The following GLIPR1L1 variants were observed in gnomAD, a reference collection of about 807,000 sequenced individuals.
The protein encoded by GLIPR1L1 is GLIPR1 like 1, also known as GLIPR1-like protein 1.
Under a neutral mutation model 29.9 loss-of-function variants are expected in GLIPR1L1, and 26 were observed. The ratio of observed to expected loss-of-function variants is 0.87; its 90% CI spans 0.64 to 1.21. The LOEUF is 1.21. GLIPR1L1 is among the 50% of genes most tolerant of loss of function. The pLI is 0.00. For missense variants in GLIPR1L1, 305 were observed against 290.3 expected (o/e 1.05, Z -0.37); for synonymous variants, 77 against 97.5 (o/e 0.79, Z 1.24).
At chr12:75,355,505 G>A (rs201089759) in intron 3 of GLIPR1L1, among the ~76,000 whole-genome samples, 2 of 152,102 alleles carry the variant, frequency 1.3e-5, no homozygotes, top group African/African-American at 2.4e-5. Flanking sequence ...AAATAGGAAC[G>A]TTTTTACACT....
At chr12:75,354,520 T>G (rs959292791) in intron 3 of GLIPR1L1, among the ~76,000 whole-genome samples, 2 of 152,210 alleles carry the variant, frequency 1.3e-5, no homozygotes, top group Non-Finnish European at 2.9e-5. Context: ...TGTTCATGGA[T>G]AGTAAGAATC....
intron 3 of GLIPR1L1, among the ~76,000 whole-genome samples, chr12:75,356,072 C>A (rs1243957345): frequency 2.0e-5 from 3 of 152,032 alleles, no homozygotes; most frequent in African/African-American, 7.3e-5. Context: ...CAGCAAACCA[C>A]AATGGCACAC....
At position 75,370,126 on chromosome 12, in the gene GLIPR1L1, AC is replaced by A; in HGVS notation, c.680del (p.Thr227LysfsTer8). The stretch of plus-strand genomic sequence containing the variant: ...GCCAACGGGGAGAGCACCTCAGCAG[AC>A]AGCCTTTAATCCATTCAGCTTAGGT... ...LKPTGRAPQQ[T>X]AFNPFSLGFL... On this transcript the variant is annotated frameshift_variant, in exon 6 of 6. Transcript: ENST00000378695. LOFTEE classifies it low-confidence loss of function (END_TRUNC). 2.5e-6 allele frequency: 4 copies of A among 1,608,016 alleles called. No homozygotes were observed. The highest frequency in any genetic ancestry group is 3.4e-6 in the Non-Finnish European group (4 of 1,176,178).
chr12:75,349,512 A>G (rs1349300011), intron 3 of GLIPR1L1, among the ~76,000 whole-genome samples: 1 of 152,228 alleles, frequency 6.6e-6, no homozygotes, highest in Non-Finnish European at 1.5e-5. Context: ...AGCTGAATCA[A>G]TAAGTTGAAA....
intron 1 of GLIPR1L1, among the ~76,000 whole-genome samples, chr12:75,337,159 G>A (rs4882617): frequency 0.93 from 140,677 of 151,882 alleles, 65,218 homozygotes; most frequent in East Asian, 1. Flanking sequence ...AAAGAAGAAT[G>A]GTTAAAAATC....
At chr12:75,368,474 G>C (rs180894432) in intron 4 of GLIPR1L1, among the ~76,000 whole-genome samples, 2 of 149,190 alleles carry the variant, frequency 1.3e-5, no homozygotes, top group African/African-American at 4.9e-5. Flanking sequence ...GTAAAATTTC[G>C]AAAGGTACCA....
chr12:75,368,449 T>A (rs2044136912), intron 4 of GLIPR1L1, among the ~76,000 whole-genome samples: 2 of 151,894 alleles, frequency 1.3e-5, no homozygotes, highest in South Asian at 2.1e-4. Flanking sequence ...GTTTCTAATA[T>A]AACACAGCTA....
intron 3 of GLIPR1L1, among the ~76,000 whole-genome samples, chr12:75,357,747 T>C (rs2043246954): frequency 1.3e-5 from 2 of 151,960 alleles, no homozygotes; most frequent in South Asian, 4.1e-4. Flanking sequence ...CTAACATACT[T>C]CTAAATAACT....
chr12:75,355,154 C>T (rs188653479), intron 3 of GLIPR1L1, among the ~76,000 whole-genome samples: 6 of 152,268 alleles, frequency 3.9e-5, no homozygotes, highest in African/African-American at 1.4e-4. Context: ...TAAAGAACTT[C>T]TACACAGCAA....
chr12:75,345,426 A>T (rs2042384680), intron 2 of GLIPR1L1, among the ~76,000 whole-genome samples: 1 of 152,136 alleles, frequency 6.6e-6, no homozygotes, highest in African/African-American at 2.4e-5. Context: ...TAGACATGGT[A>T]CTGAGCCCCT....
chr12:75,361,332 G>A (rs1319683339), intron 3 of GLIPR1L1, among the ~76,000 whole-genome samples: 1 of 152,176 alleles, frequency 6.6e-6, no homozygotes, highest in Non-Finnish European at 1.5e-5. Context: ...AGAGGAGAGT[G>A]CACCAAACAA....
intron 3 of GLIPR1L1, among the ~76,000 whole-genome samples, chr12:75,359,219 T>C (rs2043378841): frequency 6.6e-6 from 1 of 151,194 alleles, no homozygotes; most frequent in South Asian, 2.1e-4. Context: ...AAAATATAAA[T>C]TATCTAGGAA....
At chr12:75,350,867 AG>A (rs1357352506) in intron 3 of GLIPR1L1, among the ~76,000 whole-genome samples, 20 of 152,218 alleles carry the variant, frequency 1.3e-4, no homozygotes, top group African/African-American at 4.8e-4. Context: ...TGACAAAAAT[AG>A]GGTTCAGAAG....
At chr12:75,355,356 C>T (rs1031297525) in intron 3 of GLIPR1L1, among the ~76,000 whole-genome samples, 15 of 152,202 alleles carry the variant, frequency 9.9e-5, no homozygotes, top group East Asian at 3.9e-4. Flanking sequence ...ATGCAGCCAA[C>T]GAACTATAAA....
At position 75,357,831 on chromosome 12, in the gene GLIPR1L1, C is replaced by T. The variant is rs1264615205; in HGVS notation, c.522-5271C>T. Among the ~76,000 whole-genome samples the T allele has an allele frequency of 3.3e-5, 5 of 151,318 alleles. No individual in the cohort carries two copies. The East Asian group carries it at 5.8e-4, about 18-fold the overall frequency. On this transcript the variant is annotated intron_variant, in intron 3 of 5. Coordinates refer to ENST00000378695, the MANE Select transcript of GLIPR1L1 (RefSeq NM_001304964.2). ...TGAATGAAATTAAAATAAGAACATA[C>T]GGGATGCTATTAAAACAGTAATTAT... is the stretch of plus-strand genomic sequence containing the variant.
chr12:75,356,361 T>C (rs567788367), intron 3 of GLIPR1L1, among the ~76,000 whole-genome samples: 1 of 152,294 alleles, frequency 6.6e-6, no homozygotes, highest in South Asian at 2.1e-4. Flanking sequence ...GTTTTCTTAT[T>C]TAATTCTCTT....
At chr12:75,344,602 A>G (rs2042327751) in intron 2 of GLIPR1L1, among the ~76,000 whole-genome samples, 1 of 152,048 alleles carries the variant, frequency 6.6e-6, no homozygotes, top group Admixed American at 6.6e-5. Flanking sequence ...GCTCTGTGTT[A>G]GTTTCAATAG....
chr12:75,365,629 T>C (rs933132575), intron 4 of GLIPR1L1, among the ~76,000 whole-genome samples: 1 of 152,176 alleles, frequency 6.6e-6, no homozygotes, highest in African/African-American at 2.4e-5. Context: ...AATATAACTT[T>C]AGATTCAAAC....
chr12:75,353,869 C>A (rs982024736), intron 3 of GLIPR1L1, among the ~76,000 whole-genome samples: 1 of 152,096 alleles, frequency 6.6e-6, no homozygotes, highest in Non-Finnish European at 1.5e-5. Context: ...TTCATTATAT[C>A]ATCAGAACTA....
Sources: gnomAD v4.1 joint callset for allele counts (sites outside exome capture counted in the v4.1 genomes callset) on GRCh38, gnomAD v4.1.1 for gene constraint, MANE v1.5 for transcripts, NCBI Gene and HGNC (gene_info 2026-07-23, HGNC 2026-07-21) for gene names.